Variants in KLHL5 observed in about 807,000 individuals in gnomAD.
The protein encoded by KLHL5 is kelch like family member 5.
A neutral mutation model predicts 77.7 loss-of-function variants in KLHL5; 48 were observed. The ratio of observed to expected loss-of-function variants is 0.62; its 90% CI spans 0.49 to 0.79. The LOEUF (loss-of-function observed/expected upper bound fraction) is 0.79, where lower values mean the gene tolerates loss of function less well. Among genes scored for constraint, KLHL5 ranks in the 30% least tolerant of loss-of-function variants. The pLI is 0.00. For missense variants in KLHL5, 723 were observed against 859.7 expected, an observed-to-expected ratio of 0.84 and a Z score of 1.99; for synonymous variants, 260 against 297.0, an observed-to-expected ratio of 0.88 and a Z score of 1.28.
At chr4:39,046,716 G>GA (rs1285160768) in intron 1 of KLHL5, among the ~76,000 whole-genome samples, 2 of 152,104 alleles carry the variant, frequency 1.3e-5, no homozygotes, top group Non-Finnish European at 2.9e-5. Flanking sequence ...GGGCCCTAAT[G>GA]AAAAAAGGAG....
At chr4:39,139,174 C>T in the KLHL5 span, among the ~76,000 whole-genome samples, 7 of 151,284 alleles carry the variant, frequency 4.6e-5, no homozygotes, top group Non-Finnish European at 5.9e-5. Context: ...CCCAGCTACT[C>T]GGGAGGCTGA....
chr4:39,052,648 A>G (rs1716737694), intron 1 of KLHL5, among the ~76,000 whole-genome samples: 1 of 152,236 alleles, frequency 6.6e-6, no homozygotes, highest in Non-Finnish European at 1.5e-5. Flanking sequence ...AGCATGGAGA[A>G]TAAGAGAGGA....
upstream of KLHL5, among the ~76,000 whole-genome samples, chr4:39,057,830 G>C (rs925939438): frequency 9.2e-5 from 14 of 152,260 alleles, no homozygotes; most frequent in East Asian, 1.9e-4. Flanking sequence ...TCTATGTGAA[G>C]AGAGATTGAT....
Position 39,116,117 on chromosome 4 carries a change from G to A in KLHL5, c.2073+787G>A, listed in dbSNP as rs1722818994. ...GGAGGCTGAGGCGGGCAGATCACGA[G>A]GTCAGGAGTTCAAGACCAGCCTGAC... On this transcript the variant is annotated intron_variant, in intron 10 of 10. Coordinates refer to ENST00000504108, the MANE Select transcript of KLHL5 (RefSeq NM_015990.5). 11 of 726,440 alleles carry A rather than the reference G, an allele frequency of 1.5e-5. No homozygotes were observed. In the South Asian group the frequency reaches 4.3e-4, roughly 28 times the overall value. The allele number at this position is 726,440 out of a possible 1,614,324, so 45.0% of individuals were successfully genotyped here.
intron 9 of KLHL5, among the ~76,000 whole-genome samples, chr4:39,113,664 C>A (rs1183244410): frequency 6.6e-6 from 1 of 152,158 alleles, no homozygotes; most frequent in Non-Finnish European, 1.5e-5. Context: ...AGCCAAATAG[C>A]AGTGGAAGAT....
At chr4:39,063,089 G>A in intron 1 of KLHL5, 54 bp downstream of exon 1, 1 of 1,298,894 alleles carries the variant, frequency 7.7e-7, no homozygotes, top group Non-Finnish European at 1.0e-6. Flanking sequence ...GCTCTATAAT[G>A]TTTTTAAATA....
At chr4:39,132,141 C>G in the KLHL5 span, among the ~76,000 whole-genome samples, 7 of 152,218 alleles carry the variant, frequency 4.6e-5, no homozygotes, top group Admixed American at 3.3e-4. Context: ...ACCAGAAGAA[C>G]ACCTACCTCA....
rs1318303965 is a variant in KLHL5, at chr4:39,086,701, A to G, written c.1087A>G (p.Ile363Val). ...AGATCTAAGTAAACTTTTGGCTTAT[A>G]TTAGGCTACCTCTTCTTGCACCACA... ...RKDLSKLLAY[I>V]RLPLLAPQFL... The change falls in exon 5 of 11, where the codon ATT becomes GTT. Residue 363 changes from isoleucine to valine, a missense_variant. Transcript: ENST00000504108. The G allele has an allele frequency of 2.5e-6, 4 of 1,613,708 alleles. No individual in the cohort carries two copies. The highest frequency in any genetic ancestry group is 2.5e-6 in the Non-Finnish European group (3 of 1,179,826).
chr4:39,091,325 C>T (rs1720530512), intron 5 of KLHL5, among the ~76,000 whole-genome samples: 1 of 151,864 alleles, frequency 6.6e-6, no homozygotes. Flanking sequence ...AGGGTCTCAC[C>T]ATGTTGCCCT....
At chr4:39,101,548 G>A (rs1280189350) in intron 6 of KLHL5, among the ~76,000 whole-genome samples, 1 of 151,964 alleles carries the variant, frequency 6.6e-6, no homozygotes. Flanking sequence ...TTGGTGCTGT[G>A]AAAAATACAG....
At chr4:39,112,120 G>A (rs144461825) in intron 8 of KLHL5, among the ~76,000 whole-genome samples, 85 of 152,188 alleles carry the variant, frequency 5.6e-4, no homozygotes, top group African/African-American at 1.9e-3. Flanking sequence ...GTAAGTACAA[G>A]AAGATTTTTG....
chr4:39,053,990 G>A (rs1399108535), intron 1 of KLHL5, among the ~76,000 whole-genome samples: 2 of 152,134 alleles, frequency 1.3e-5, no homozygotes, highest in Non-Finnish European at 2.9e-5. Flanking sequence ...CTGCAGTTAC[G>A]ATGAACTTAA....
At chr4:39,108,434 A>G (rs1158488042) in intron 8 of KLHL5, among the ~76,000 whole-genome samples, 1 of 152,176 alleles carries the variant, frequency 6.6e-6, no homozygotes, top group Non-Finnish European at 1.5e-5. Flanking sequence ...CAAGGTTAAA[A>G]TAGAATTAAA....
the KLHL5 span, among the ~76,000 whole-genome samples, chr4:39,136,004 ACGTGTG>A: frequency 1.6e-5 from 2 of 128,040 alleles, no homozygotes; most frequent in African/African-American, 6.7e-5. Flanking sequence ...TCATTCTAAC[ACGTGTG>A]TGTGTGTGTG....
At chr4:39,105,615 T>A (rs1255053220) in intron 7 of KLHL5, among the ~76,000 whole-genome samples, 4 of 151,342 alleles carry the variant, frequency 2.6e-5, no homozygotes, top group Non-Finnish European at 5.9e-5. Context: ...ATTATATATG[T>A]ATATTTTAAT....
chr4:39,137,574 C>A, the KLHL5 span, among the ~76,000 whole-genome samples: 1 of 152,176 alleles, frequency 6.6e-6, no homozygotes, highest in African/African-American at 2.4e-5. Flanking sequence ...GAACCCTGAT[C>A]ACGTTGCTGC....
At chr4:39,044,940 C>G, upstream of KLHL5, 2 of 963,856 alleles carry the variant, frequency 2.1e-6, no homozygotes, top group Non-Finnish European at 1.2e-6. Flanking sequence ...CCGGGCCGGC[C>G]GGCGCCGGGG....
At chr4:39,085,402 G>T (rs1719953353) in intron 4 of KLHL5, among the ~76,000 whole-genome samples, 1 of 152,164 alleles carries the variant, frequency 6.6e-6, no homozygotes, top group Non-Finnish European at 1.5e-5. Context: ...TAATATAGAA[G>T]ATAGTTATTG....
At chr4:39,047,424 T>TA (rs1031537594) in intron 1 of KLHL5, among the ~76,000 whole-genome samples, 13 of 151,948 alleles carry the variant, frequency 8.6e-5, no homozygotes, top group Admixed American at 2.0e-4. Flanking sequence ...TCTCAAAAAA[T>TA]AAAAAAAGAT....
Sources: allele counts gnomAD v4.1 joint callset (sites outside exome capture counted in the v4.1 genomes callset), GRCh38; gene constraint gnomAD v4.1.1; transcripts MANE v1.5; gene names NCBI Gene and HGNC (gene_info 2026-07-23, HGNC 2026-07-21).